CXCL13: variants seen among roughly 807,000 people sequenced by gnomAD.
CXCL13 encodes the protein C-X-C motif chemokine ligand 13, also known as C-X-C motif chemokine 13.
In CXCL13, 7 loss-of-function variants were observed where a neutral mutation model predicts 12.2. That is an observed-to-expected ratio of 0.57 (90% CI 0.33 to 1.07). The LOEUF (loss-of-function observed/expected upper bound fraction) is 1.07, where lower values mean the gene tolerates loss of function less well. Ranked by LOEUF, CXCL13 falls within the 50% of genes least tolerant of loss-of-function variation. The pLI is 0.04. For synonymous variants in CXCL13, 47 were observed against 42.4 expected, an observed-to-expected ratio of 1.11 and a Z score of -0.42; for missense variants, 113 against 127.4, an observed-to-expected ratio of 0.89 and a Z score of 0.55.
chr4:77,581,596 G>A (rs1726335155), intron 1 of CXCL13, among the ~76,000 whole-genome samples: 1 of 152,074 alleles, frequency 6.6e-6, no homozygotes, highest in South Asian at 2.1e-4. Flanking sequence ...CCCCATAAGA[G>A]TTAGCATCCT....
intron 1 of CXCL13, among the ~76,000 whole-genome samples, chr4:77,567,013 A>G (rs1221641794): frequency 6.6e-6 from 1 of 152,284 alleles, no homozygotes; most frequent in East Asian, 1.9e-4. Flanking sequence ...TTAACTGATG[A>G]CATCCCACCA....
At chr4:77,542,806 G>T (rs1725238139) in intron 1 of CXCL13, among the ~76,000 whole-genome samples, 3 of 152,124 alleles carry the variant, frequency 2.0e-5, no homozygotes, top group Admixed American at 2.0e-4. Context: ...GTTAATCAGG[G>T]ATATTGGCCT....
At chr4:77,530,193 G>A (rs1025846569) in intron 1 of CXCL13, among the ~76,000 whole-genome samples, 6 of 152,148 alleles carry the variant, frequency 3.9e-5, no homozygotes, top group Non-Finnish European at 7.3e-5. Context: ...TTTTATTGAG[G>A]ATTTTTGCAT....
intron 1 of CXCL13, among the ~76,000 whole-genome samples, chr4:77,567,125 T>A (rs1725958780): frequency 6.6e-6 from 1 of 152,028 alleles, no homozygotes; most frequent in Non-Finnish European, 1.5e-5. Context: ...CCCCACCCAA[T>A]CAAGAAGGTA....
At chr4:77,561,411 A>G (rs1282969823) in intron 1 of CXCL13, among the ~76,000 whole-genome samples, 2 of 152,352 alleles carry the variant, frequency 1.3e-5, no homozygotes, top group Admixed American at 6.5e-5. Flanking sequence ...AGTGCCTACC[A>G]TGGGCCAGCC....
chr4:77,574,333 C>T (rs980852432), intron 1 of CXCL13, among the ~76,000 whole-genome samples: 3 of 151,842 alleles, frequency 2.0e-5, no homozygotes, highest in African/African-American at 7.3e-5. Context: ...TTGGGGAAAA[C>T]CTGTTTTCTT....
intron 1 of CXCL13, among the ~76,000 whole-genome samples, chr4:77,515,067 C>A (rs1435341590): frequency 6.6e-6 from 1 of 152,110 alleles, no homozygotes; most frequent in Admixed American, 6.6e-5. Flanking sequence ...ATAGGGAATC[C>A]TTTCCCCATT....
chr4:77,541,423 T>C (rs1019995612), intron 1 of CXCL13, among the ~76,000 whole-genome samples: 3 of 152,206 alleles, frequency 2.0e-5, no homozygotes, highest in African/African-American at 7.2e-5. Flanking sequence ...TTCTTTCTTA[T>C]GCATATGGCT....
At chr4:77,588,893 A>G (rs754136342) in intron 1 of CXCL13, among the ~76,000 whole-genome samples, 5 of 152,234 alleles carry the variant, frequency 3.3e-5, no homozygotes, top group Non-Finnish European at 7.3e-5. Context: ...ACTCAGGAAG[A>G]CTAGGATAGA....
intron 1 of CXCL13, among the ~76,000 whole-genome samples, chr4:77,550,437 GC>G (rs1358509161): frequency 6.6e-6 from 1 of 152,156 alleles, no homozygotes; most frequent in African/African-American, 2.4e-5. Flanking sequence ...CCTGCTGGGA[GC>G]TGTAGACGGG....
chr4:77,606,286 G>C (rs557993797), intron 1 of CXCL13, among the ~76,000 whole-genome samples: 2 of 152,106 alleles, frequency 1.3e-5, no homozygotes, highest in South Asian at 4.2e-4. Context: ...CCCTATACAG[G>C]GTTTAAAGAT....
At chr4:77,520,623 A>G (rs1019294654) in intron 1 of CXCL13, among the ~76,000 whole-genome samples, 1 of 152,112 alleles carries the variant, frequency 6.6e-6, no homozygotes, top group African/African-American at 2.4e-5. Context: ...GGGCTGAGAC[A>G]ATGGGGTTTT....
intron 1 of CXCL13, among the ~76,000 whole-genome samples, chr4:77,562,567 G>A (rs764281707): frequency 6.6e-6 from 1 of 151,992 alleles, no homozygotes; most frequent in Non-Finnish European, 1.5e-5. Context: ...CTAGCTAAGG[G>A]ATTGTAAATA....
At chr4:77,529,854 A>C (rs1724862317) in intron 1 of CXCL13, among the ~76,000 whole-genome samples, 1 of 152,156 alleles carries the variant, frequency 6.6e-6, no homozygotes, top group South Asian at 2.1e-4. Flanking sequence ...GTCTTGTGCC[A>C]GTTTTCAAAG....
chr4:77,540,289 A>G (rs1334911876), intron 1 of CXCL13, among the ~76,000 whole-genome samples: 1 of 152,130 alleles, frequency 6.6e-6, no homozygotes, highest in Non-Finnish European at 1.5e-5. Flanking sequence ...GGATTCAGAG[A>G]GTACATGTGC....
intron 1 of CXCL13, among the ~76,000 whole-genome samples, chr4:77,524,753 T>A (rs899082276): frequency 6.6e-6 from 1 of 152,178 alleles, no homozygotes; most frequent in Non-Finnish European, 1.5e-5. Flanking sequence ...CCCAGTGAGA[T>A]GAACCAGGTA....
intron 1 of CXCL13, among the ~76,000 whole-genome samples, chr4:77,535,333 C>A (rs764362100): frequency 3.3e-5 from 5 of 152,152 alleles, no homozygotes; most frequent in Non-Finnish European, 5.9e-5. Context: ...TCAATGTATT[C>A]CTTCCCTTAT....
chr4:77,576,558 C>T (rs190326047), intron 1 of CXCL13, among the ~76,000 whole-genome samples: 143 of 152,296 alleles, frequency 9.4e-4, no homozygotes, highest in Non-Finnish European at 1.8e-3. Context: ...GTCCAGGGTT[C>T]CTGACCTGTG....
At chr4:77,580,021 C>T (rs888131787) in intron 1 of CXCL13, among the ~76,000 whole-genome samples, 1 of 152,006 alleles carries the variant, frequency 6.6e-6, no homozygotes, top group Non-Finnish European at 1.5e-5. Flanking sequence ...ACTGATATAG[C>T]CAAACTGTAC....
Sources: allele counts gnomAD v4.1 joint callset (sites outside exome capture counted in the v4.1 genomes callset), GRCh38; gene constraint gnomAD v4.1.1; transcripts MANE v1.5; gene names NCBI Gene and HGNC (gene_info 2026-07-23, HGNC 2026-07-21).